TTLL3: variants seen among roughly 807,000 people sequenced by gnomAD.
TTLL3 encodes the protein tubulin monoglycylase TTLL3.
TTLL3 carries 63 observed loss-of-function variants against 75.2 expected under a neutral mutation model. That is an observed-to-expected ratio of 0.84 (90% CI 0.68 to 1.03). The LOEUF (loss-of-function observed/expected upper bound fraction) is 1.03, where lower values mean the gene tolerates loss of function less well. Among genes scored for constraint, TTLL3 ranks in the 50% least tolerant of loss-of-function variants. The probability of loss-of-function intolerance (pLI) is 0.00; values close to 1 mark genes in which losing one functional copy is unlikely to be tolerated. For missense variants in TTLL3, 997 were observed against 1,069.9 expected (o/e 0.93, Z 0.95); for synonymous variants, 393 against 418.5 (o/e 0.94, Z 0.74).
chr3:9,815,105 T>G (rs902291223), intron 4 of TTLL3, among the ~76,000 whole-genome samples: 9 of 151,946 alleles, frequency 5.9e-5, no homozygotes, highest in African/African-American at 1.9e-4. Context: ...CTGGGCCTGG[T>G]GGCGCACACC....
chr3:9,833,319 T>C, intron 12 of TTLL3, 74 bp downstream of exon 12: 1 of 1,568,270 alleles, frequency 6.4e-7, no homozygotes, highest in East Asian at 2.3e-5. Context: ...TGGGGCACAG[T>C]GAGAAGCCAG....
At chr3:9,828,683 T>C (rs2081271646) in intron 10 of TTLL3, 1 of 480,898 alleles carries the variant, frequency 2.1e-6, no homozygotes. Context: ...TTCCAGACAC[T>C]GGGATGGTTA....
At chr3:9,810,044 G>T, upstream of TTLL3, 1 of 1,272,750 alleles carries the variant, frequency 7.9e-7, no homozygotes, top group Non-Finnish European at 9.8e-7. The surrounding 1 kb of genome is among the most constrained non-coding windows in gnomAD (Gnocchi z 4.4). Flanking sequence ...CTGAGCGCGA[G>T]GGAGCTGGGG....
chr3:9,815,173 G>T (rs1452192132), intron 4 of TTLL3, among the ~76,000 whole-genome samples: 1 of 150,488 alleles, frequency 6.6e-6, no homozygotes, highest in East Asian at 2.0e-4. Flanking sequence ...CCCAGGAGAC[G>T]GAGCTTGCAG....
At chr3:9,819,635 C>T in intron 7 of TTLL3, 1 of 985,658 alleles carries the variant, frequency 1.0e-6, no homozygotes, top group East Asian at 1.1e-4. Flanking sequence ...GCATGCCAAC[C>T]CAACCACTGC....
chr3:9,812,207 T>C (rs1303815079), intron 2 of TTLL3, among the ~76,000 whole-genome samples: 1 of 152,078 alleles, frequency 6.6e-6, no homozygotes, highest in African/African-American at 2.4e-5. Context: ...GCCCAGTCTC[T>C]ACCAAAAAAT....
At chr3:9,834,450 A>T (rs2081903521) in intron 12 of TTLL3, 1 of 728,006 alleles carries the variant, frequency 1.4e-6, no homozygotes, top group Non-Finnish European at 2.4e-6. Flanking sequence ...AAGTTTAAGG[A>T]AGTTGCCCAA....
At chr3:9,816,289 A>T in intron 5 of TTLL3, 87 bp downstream of exon 5, 1 of 1,261,664 alleles carries the variant, frequency 7.9e-7, no homozygotes, top group South Asian at 1.3e-5. Context: ...CTTGTTAGTA[A>T]GAGGAAGTTC....
intron 2 of TTLL3, among the ~76,000 whole-genome samples, chr3:9,812,509 C>CA (rs1337122421): frequency 2.5e-4 from 36 of 142,728 alleles, no homozygotes; most frequent in Admixed American, 3.5e-4. Flanking sequence ...GACTCCGTCT[C>CA]AAAAAAAAAA....
At chr3:9,834,520 CCT>C in intron 12 of TTLL3, 159 bp from the exon 13 acceptor site, 2 of 1,173,206 alleles carry the variant, frequency 1.7e-6, no homozygotes, top group South Asian at 1.3e-5. Context: ...TGGACTCTAC[CCT>C]GTTTTCTTCT....
rs2081985259 is a variant in TTLL3 at position 9,835,699 on chromosome 3, C to G, written c.*210C>G. 1.1e-5 allele frequency: 6 copies of G among 532,280 alleles called. No individual in the cohort carries two copies. The highest frequency in any genetic ancestry group is 1.9e-5 in the Non-Finnish European group (6 of 310,498). 33.0% of individuals were successfully genotyped at this position (532,280 alleles called of 1,614,324 possible). On this transcript the variant is annotated 3_prime_UTR_variant, in exon 14 of 14. Transcript: ENST00000685419. ...GTGAGTCGACGCAGGGACATATTGC[C>G]AGAACTGCCGAGCACTGGGAGCCCC...
rs781751920 is a variant in TTLL3 at position 9,820,552 on chromosome 3, A to C, written c.665A>C (p.Lys222Thr). 1 of 1,614,020 alleles carries C rather than the reference A, an allele frequency of 6.2e-7. No individual in the cohort carries two copies. The highest frequency in any genetic ancestry group is 8.5e-7 in the Non-Finnish European group (1 of 1,179,970). ...QAVEEEASGD[K>T]QPKKQEKNPV... ...GGCCCCTCCCTATGTGCAGGAGACA[A>C]GCAGCCCAAGAAACAGGAGAAAAAC... The change falls in exon 8 of 14, where the codon AAG (lysine) becomes ACG (threonine). Residue 222 changes from lysine (K) to threonine (T), a missense_variant. By Grantham distance (78) the Lys-to-Thr change is moderately conservative. Coordinates refer to ENST00000685419, the MANE Select transcript of TTLL3 (RefSeq NM_001387446.1).
Position 9,813,104 on chromosome 3 carries a change from TGAG to T in TTLL3, c.213_215del (p.Glu71del), listed in dbSNP as rs1383172928. The T allele has an allele frequency of 6.3e-7, 1 of 1,582,348 alleles. No individual in the cohort carries two copies. The highest frequency in any genetic ancestry group is 1.3e-5 in the African/African-American group (1 of 74,160). The stretch of plus-strand genomic sequence containing the variant: ...CAGCGATGGGTGACAGTGACACCAC[TGAG>T]GATGGTGAGTGGTTCCTTCCCTTTC... On this transcript the variant is annotated inframe_deletion, in exon 3 of 14. Coordinates refer to ENST00000685419, the MANE Select transcript of TTLL3 (RefSeq NM_001387446.1).
At chr3:9,834,971 G>T in intron 13 of TTLL3, 64 bp downstream of exon 13, 1 of 1,611,642 alleles carries the variant, frequency 6.2e-7, no homozygotes, top group Non-Finnish European at 8.5e-7. Context: ...GGGCTGGAGG[G>T]CACAGGCAGA....
At chr3:9,820,826 C>T in intron 8 of TTLL3, 85 bp downstream of exon 8, 4 of 1,524,404 alleles carry the variant, frequency 2.6e-6, no homozygotes, top group Non-Finnish European at 3.5e-6. Context: ...CCTACCCCTT[C>T]CCCAAGCCTC....
intron 8 of TTLL3, among the ~76,000 whole-genome samples, chr3:9,824,558 C>T (rs952877652): frequency 4.0e-5 from 6 of 151,836 alleles, no homozygotes; most frequent in Non-Finnish European, 5.9e-5. Flanking sequence ...TTACAGGTGC[C>T]CACCACCACA....
intron 11 of TTLL3, 82 bp downstream of exon 11, chr3:9,829,477 C>T: frequency 6.8e-7 from 1 of 1,474,530 alleles, no homozygotes. Context: ...TAGGACTCTG[C>T]AGTCAGACCC....
intron 7 of TTLL3, chr3:9,819,896 T>TATATA: frequency 2.0e-6 from 2 of 985,534 alleles, no homozygotes; most frequent in Non-Finnish European, 2.4e-6. Flanking sequence ...TAAGCTTTTA[T>TATATA]GGTATAGGTC....
chr3:9,823,657 CT>C (rs2080735968), intron 8 of TTLL3, among the ~76,000 whole-genome samples: 1 of 152,102 alleles, frequency 6.6e-6, no homozygotes, highest in Admixed American at 6.5e-5. Context: ...GTGAGTACTC[CT>C]GGGAGACCTT....
Sources: allele counts gnomAD v4.1 joint callset (sites outside exome capture counted in the v4.1 genomes callset), GRCh38; gene constraint gnomAD v4.1.1; non-coding constraint Gnocchi (gnomAD v3.1); transcripts MANE v1.5; gene names NCBI Gene and HGNC (gene_info 2026-07-23, HGNC 2026-07-21).